CDC34: variants seen among roughly 807,000 people sequenced by gnomAD.
CDC34 encodes cell division cycle 34, ubiquitin conjugating enzyme, also known as ubiquitin-conjugating enzyme E2 R1.
In CDC34, 18 loss-of-function variants were observed where a neutral mutation model predicts 26.8. That is an observed-to-expected ratio of 0.67 (90% CI 0.47 to 1.00). The LOEUF (loss-of-function observed/expected upper bound fraction) is 1.00. Ranked by LOEUF, CDC34 falls within the 50% of genes least tolerant of loss-of-function variation. The pLI is 0.00. For missense variants in CDC34, 280 were observed against 334.5 expected, an observed-to-expected ratio of 0.84 and a Z score of 1.27; for synonymous variants, 178 against 147.5, an observed-to-expected ratio of 1.21 and a Z score of -1.50.
chr19:540,880 C>T (rs946789368), intron 4 of CDC34, among the ~76,000 whole-genome samples: 2 of 152,072 alleles, frequency 1.3e-5, no homozygotes, highest in Admixed American at 6.5e-5. Flanking sequence ...AGGCTCAGGC[C>T]GTTTTTGCGT....
chr19:536,369 C>G (rs28558712), intron 3 of CDC34, 29 bp downstream of exon 3: 3 of 1,533,874 alleles, frequency 2.0e-6, no homozygotes, highest in African/African-American at 3.1e-5. Context: ...CTGTGTCCAC[C>G]CAGAACATCA....
chr19:536,093 C>T (rs1290093504), intron 2 of CDC34, 150 bp from the exon 3 acceptor site: 8 of 785,818 alleles, frequency 1.0e-5, no homozygotes, highest in South Asian at 1.7e-5. Context: ...GGACCCGAGG[C>T]GCTGGGAGCC....
chr19:542,037 C>CT lies in CDC34; in HGVS notation c.*489dup, dbSNP rs981947067. On this transcript the variant is annotated 3_prime_UTR_variant, in exon 5 of 5. Transcript: ENST00000215574. ...GTGGACGGATTCACCGTGGCCGACT[C>CT]TTTTCCCTGCTTTGGTTTGTTTGAA... 1 of 153,238 alleles carries CT rather than the reference C, an allele frequency of 6.5e-6. No individual in the cohort carries two copies. Among genetic ancestry groups the CT allele is most frequent in the African/African-American group, 2.4e-5 (1 of 41,518 alleles). 9.5% of individuals were successfully genotyped at this position (153,238 alleles called of 1,614,324 possible).
chr19:538,511 G>T (rs1206111561), intron 4 of CDC34, among the ~76,000 whole-genome samples: 1 of 146,196 alleles, frequency 6.8e-6, no homozygotes, highest in Non-Finnish European at 1.5e-5. Context: ...TGCTCTTCCT[G>T]TTACATAGAG....
At chr19:536,980 G>A (rs369453041) in intron 3 of CDC34, 33 bp from the exon 4 acceptor site, 26 of 1,612,584 alleles carry the variant, frequency 1.6e-5, no homozygotes, top group African/African-American at 6.7e-5. Context: ...GGGGTGCCCC[G>A]GGCCGCCCCA....
At chr19:540,749 T>C (rs143064307) in intron 4 of CDC34, among the ~76,000 whole-genome samples, 6,162 of 18,964 alleles carry the variant, frequency 0.32, 1,194 homozygotes, top group Middle Eastern at 0.5. Context: ...ATCCGGAGGC[T>C]GGGATGGCCA....
intron 3 of CDC34, 124 bp downstream of exon 3, chr19:536,464 G>A (rs529807175): frequency 1.7e-4 from 122 of 727,210 alleles, no homozygotes; most frequent in African/African-American, 1.2e-3. Flanking sequence ...GGCCTGATTC[G>A]GGACCTGCCA....
At chr19:535,028 C>G (rs1979676052) in intron 1 of CDC34, among the ~76,000 whole-genome samples, 1 of 152,236 alleles carries the variant, frequency 6.6e-6, no homozygotes, top group Non-Finnish European at 1.5e-5. Flanking sequence ...TGGGGCCCAG[C>G]AGGAAAACAG....
chr19:537,626 A>ACAGGC (rs1461007048), intron 4 of CDC34, among the ~76,000 whole-genome samples: 1 of 140,344 alleles, frequency 7.1e-6, no homozygotes, highest in Non-Finnish European at 1.5e-5. Context: ...TGCAGGGATT[A>ACAGGC]CAGGCGTGAG....
intron 4 of CDC34, among the ~76,000 whole-genome samples, chr19:539,488 C>T (rs188443728): frequency 1.3e-5 from 2 of 152,340 alleles, no homozygotes; most frequent in East Asian, 3.9e-4. Flanking sequence ...CCGCTGGGTC[C>T]CGCCACCCAG....
chr19:541,069 T>TA (rs1979989223), intron 4 of CDC34: 2 of 423,984 alleles, frequency 4.7e-6, no homozygotes, highest in Admixed American at 8.2e-5. Context: ...ATGGGTCCCT[T>TA]GGGTTGTGCT....
At chr19:535,791 T>C in intron 1 of CDC34, 46 bp from the exon 2 acceptor site, 1 of 1,474,594 alleles carries the variant, frequency 6.8e-7, no homozygotes. Context: ...CTGGGGCAGG[T>C]CTTGGGGCTG....
At chr19:538,741 T>C (rs1979878182) in intron 4 of CDC34, 1 of 985,276 alleles carries the variant, frequency 1.0e-6, no homozygotes, top group Non-Finnish European at 1.2e-6. Flanking sequence ...CGTGGGGTCA[T>C]CTCGGGGCAG....
rs1026580843 is a variant in CDC34, at chr19:536,726, G to T, written c.363-287G>T. 3 of 549,174 alleles carry T rather than the reference G, an allele frequency of 5.5e-6. No homozygotes were observed. The African/African-American group carries it at 5.7e-5, about 10-fold the overall frequency. 34.0% of individuals were successfully genotyped at this position (549,174 alleles called of 1,614,324 possible). A position where few individuals can be genotyped will look rare whatever the true frequency, so the allele number is the denominator to read the frequency against. ...AAGCACTGGGCCGTGTTGCCCGTGT[G>T]TCCTGGAGTGTAGTCTAGGCAGGAC... On this transcript the variant is annotated intron_variant, in intron 3 of 4. Transcript: ENST00000215574.
At chr19:533,140 G>C (rs1979573872) in intron 1 of CDC34, among the ~76,000 whole-genome samples, 1 of 152,156 alleles carries the variant, frequency 6.6e-6, no homozygotes, top group Non-Finnish European at 1.5e-5. Context: ...ACTTCTTTTA[G>C]CGTTCAGGGA....
In CDC34 at chr19:541,056, C is replaced by T. The variant is rs1224308986; in HGVS notation, c.498-283C>T. Among the ~76,000 whole-genome samples, 7 of 152,232 alleles carry T rather than the reference C, an allele frequency of 4.6e-5. No homozygotes were observed. In the East Asian group the frequency reaches 1.2e-3, roughly 25 times the overall value. On this transcript the variant is annotated intron_variant, in intron 4 of 4. Coordinates refer to ENST00000215574, the MANE Select transcript of CDC34 (RefSeq NM_004359.2). ...CGGCATCGTTATTTTCTCCCAGCTC[C>T]TGATGGGTCCCTTGGGTTGTGCTTC...
At chr19:536,603 T>G in intron 3 of CDC34, 1 of 572,526 alleles carries the variant, frequency 1.7e-6, no homozygotes, top group South Asian at 2.1e-5. Context: ...CCTAGAGGTG[T>G]CCCGCCATCC....
At chr19:532,874 C>T (rs902577564) in intron 1 of CDC34, among the ~76,000 whole-genome samples, 2 of 152,226 alleles carry the variant, frequency 1.3e-5, no homozygotes, top group African/African-American at 2.4e-5. Context: ...TCCCGGACCC[C>T]GACCTCAGAA....
intron 4 of CDC34, chr19:538,912 G>T: frequency 1.0e-6 from 1 of 985,236 alleles, no homozygotes; most frequent in South Asian, 4.7e-5. Context: ...GCCCCGGTCC[G>T]GTCGTGTCAC....
Sources: gnomAD v4.1 joint callset for allele counts (sites outside exome capture counted in the v4.1 genomes callset) on GRCh38, gnomAD v4.1.1 for gene constraint, MANE v1.5 for transcripts, NCBI Gene and HGNC (gene_info 2026-07-23, HGNC 2026-07-21) for gene names.